CNBD1: variants seen among roughly 807,000 people sequenced by gnomAD.
CNBD1 encodes cyclic nucleotide-binding domain-containing protein 1.
Under a neutral mutation model 54.4 loss-of-function variants are expected in CNBD1, and 71 were observed. The observed-to-expected ratio is 1.30, with a 90% CI of 1.08 to 1.59. The LOEUF is 1.59. Among genes scored for constraint, CNBD1 ranks in the 40% most tolerant of loss-of-function variants. CNBD1 has a pLI of 0.00. For synonymous variants in CNBD1, 182 were observed against 170.7 expected (o/e 1.07, Z -0.51); for missense variants, 659 against 518.0 (o/e 1.27, Z -2.64).
intron 4 of CNBD1, among the ~76,000 whole-genome samples, chr8:86,940,131 A>ACTTTTT (rs1809625738): frequency 7.5e-5 from 2 of 26,770 alleles, no homozygotes; most frequent in African/African-American, 2.1e-4. Flanking sequence ...ACCACATGTT[A>ACTTTTT]CTTTTTTTTT....
At chr8:87,380,079 G>C (rs1014106705) in intron 10 of CNBD1, among the ~76,000 whole-genome samples, 1 of 151,728 alleles carries the variant, frequency 6.6e-6, no homozygotes, top group Non-Finnish European at 1.5e-5. Context: ...TTAGACAAAG[G>C]AACCAAATAT....
intron 6 of CNBD1, among the ~76,000 whole-genome samples, chr8:87,278,277 T>G (rs1808524725): frequency 6.6e-6 from 1 of 151,638 alleles, no homozygotes; most frequent in Non-Finnish European, 1.5e-5. Flanking sequence ...TAGTCCTGCC[T>G]GAAGCAGTAC....
At chr8:86,878,360 G>T (rs1808556320) in intron 1 of CNBD1, among the ~76,000 whole-genome samples, 1 of 152,090 alleles carries the variant, frequency 6.6e-6, no homozygotes, top group Non-Finnish European at 1.5e-5. Context: ...CAGACAGATT[G>T]AATTTTCTTG....
intron 4 of CNBD1, among the ~76,000 whole-genome samples, chr8:87,062,932 T>A (rs1024385630): frequency 1.3e-5 from 2 of 152,214 alleles, no homozygotes; most frequent in Non-Finnish European, 2.9e-5. Flanking sequence ...ACAAGCCGTC[T>A]ACTGGTGTGG....
chr8:87,235,959 C>T (rs1436142257), intron 5 of CNBD1, among the ~76,000 whole-genome samples: 1 of 151,904 alleles, frequency 6.6e-6, no homozygotes, highest in East Asian at 1.9e-4. Context: ...AAATCACTCC[C>T]CCATGGTCAC....
intron 4 of CNBD1, among the ~76,000 whole-genome samples, chr8:87,081,673 T>G (rs1810997038): frequency 6.6e-6 from 1 of 151,914 alleles, no homozygotes; most frequent in Admixed American, 6.6e-5. Flanking sequence ...CCAGCTAATT[T>G]TTTTTCATAT....
chr8:86,942,232 T>C (rs890638686), intron 4 of CNBD1, among the ~76,000 whole-genome samples: 3 of 152,226 alleles, frequency 2.0e-5, no homozygotes, highest in African/African-American at 7.2e-5. Flanking sequence ...GTTTGTTCTA[T>C]AGCACATGCC....
At chr8:87,192,641 C>G (rs1465512532) in intron 4 of CNBD1, among the ~76,000 whole-genome samples, 2 of 152,124 alleles carry the variant, frequency 1.3e-5, no homozygotes, top group African/African-American at 4.8e-5. Context: ...TAACATGAAA[C>G]ATAGTGAGTA....
intron 8 of CNBD1, among the ~76,000 whole-genome samples, chr8:87,320,610 G>A (rs1450847651): frequency 2.3e-5 from 3 of 132,122 alleles, no homozygotes; most frequent in African/African-American, 6.5e-5. Context: ...GTATGTGCAC[G>A]TGTGTGTGTG....
chr8:87,425,167 T>C (rs1808023196), intron 2 of CNBD1, among the ~76,000 whole-genome samples: 1 of 152,200 alleles, frequency 6.6e-6, no homozygotes, highest in African/African-American at 2.4e-5. Flanking sequence ...GGTTTTCAGC[T>C]CCATCAGCTC....
chr8:87,284,651 A>C (rs1450965457), intron 6 of CNBD1, 27 bp from the exon 7 acceptor site: 1 of 1,580,128 alleles, frequency 6.3e-7, no homozygotes, highest in Admixed American at 1.9e-5. Flanking sequence ...GGTAATAAAC[A>C]TTAAATTGTC....
chr8:87,377,261 C>A (rs1810967783), intron 10 of CNBD1, among the ~76,000 whole-genome samples: 1 of 151,152 alleles, frequency 6.6e-6, no homozygotes, highest in Admixed American at 6.6e-5. Context: ...ACTAACTCAT[C>A]ATCTAGCATT....
intron 4 of CNBD1, among the ~76,000 whole-genome samples, chr8:87,063,345 A>G (rs757319544): frequency 1.3e-5 from 2 of 152,212 alleles, no homozygotes; most frequent in African/African-American, 4.8e-5. Flanking sequence ...ATAGATATCT[A>G]TGGATATCCA....
At chr8:86,946,833 C>T (rs1028853618) in intron 4 of CNBD1, among the ~76,000 whole-genome samples, 3 of 152,222 alleles carry the variant, frequency 2.0e-5, no homozygotes, top group Admixed American at 1.3e-4. Context: ...ATATTACTTG[C>T]CTTCCTCATG....
intron 4 of CNBD1, among the ~76,000 whole-genome samples, chr8:87,099,059 A>C (rs1005509159): frequency 2.5e-4 from 37 of 147,484 alleles, no homozygotes; most frequent in African/African-American, 9.2e-4. Context: ...AAAAAAAAAA[A>C]ACAAAACTCC....
chr8:86,930,967 A>C (rs964113780), intron 3 of CNBD1, among the ~76,000 whole-genome samples: 1 of 152,192 alleles, frequency 6.6e-6, no homozygotes, highest in African/African-American at 2.4e-5. Flanking sequence ...CCTAGACTTC[A>C]GGGTTGTTTC....
intron 4 of CNBD1, among the ~76,000 whole-genome samples, chr8:87,044,319 G>A (rs1810136511): frequency 6.6e-6 from 1 of 151,896 alleles, no homozygotes; most frequent in Non-Finnish European, 1.5e-5. Flanking sequence ...ATATATCCTT[G>A]GATAAGTTAA....
Position 87,184,021 on chromosome 8 carries a change from G to A in CNBD1, c.432-21972G>A, listed in dbSNP as rs536331168. Among the ~76,000 whole-genome samples the A allele has an allele frequency of 3.3e-5, 5 of 152,334 alleles. No homozygotes were observed. In the East Asian group the frequency reaches 9.7e-4, roughly 29 times the overall value. ...CATACACGTGTGCACTGCAGCAGAG[G>A]TAATGGGTCTGTGCTCACCACTGGG... On this transcript the variant is annotated intron_variant, in intron 4 of 10. Coordinates refer to ENST00000518476, the MANE Select transcript of CNBD1 (RefSeq NM_173538.3).
At chr8:86,941,397 T>G (rs578145093) in intron 4 of CNBD1, among the ~76,000 whole-genome samples, 1 of 152,344 alleles carries the variant, frequency 6.6e-6, no homozygotes, top group African/African-American at 2.4e-5. Flanking sequence ...TTAATTCCAT[T>G]AAACTCTAAT....
Sources: gnomAD v4.1 joint callset for allele counts (sites outside exome capture counted in the v4.1 genomes callset) on GRCh38, gnomAD v4.1.1 for gene constraint, MANE v1.5 for transcripts, NCBI Gene and HGNC (gene_info 2026-07-23, HGNC 2026-07-21) for gene names.